GRIK1: variants seen among roughly 807,000 people sequenced by gnomAD.
GRIK1 encodes glutamate receptor ionotropic, kainate 1.
A neutral mutation model predicts 105.7 loss-of-function variants in GRIK1; 69 were observed. The ratio of observed to expected loss-of-function variants is 0.65; its 90% CI spans 0.54 to 0.80. The LOEUF (loss-of-function observed/expected upper bound fraction) is 0.80. Ranked by LOEUF, GRIK1 falls within the 30% of genes least tolerant of loss-of-function variation. The probability of loss-of-function intolerance (pLI) is 0.00; values close to 1 mark genes in which losing one functional copy is unlikely to be tolerated. For synonymous variants in GRIK1, 438 were observed against 431.3 expected (o/e 1.02, Z -0.19); for missense variants, 1,109 against 1,167.3 (o/e 0.95, Z 0.73).
chr21:29,860,158 C>T (rs467925), intron 1 of GRIK1, among the ~76,000 whole-genome samples: 51,084 of 152,118 alleles, frequency 0.34, 9,597 homozygotes, highest in African/African-American at 0.51. Context: ...CAATAGCATA[C>T]GAGTAAGATG....
intron 6 of GRIK1, among the ~76,000 whole-genome samples, chr21:29,649,332 T>A (rs1461505782): frequency 6.6e-6 from 1 of 152,220 alleles, no homozygotes; most frequent in Non-Finnish European, 1.5e-5. Flanking sequence ...CTACCCACTT[T>A]TGCAGCACCT....
At chr21:29,624,478 G>T (rs2062076999) in intron 7 of GRIK1, among the ~76,000 whole-genome samples, 1 of 152,076 alleles carries the variant, frequency 6.6e-6, no homozygotes, top group South Asian at 2.1e-4. Context: ...AAATTTTAAA[G>T]CTGTATTTAA....
chr21:29,573,670 T>G, intron 14 of GRIK1, among the ~76,000 whole-genome samples: 1 of 151,920 alleles, frequency 6.6e-6, no homozygotes, highest in Non-Finnish European at 1.5e-5. Flanking sequence ...GCCAACATGG[T>G]GAAACCCCAA....
intron 5 of GRIK1, among the ~76,000 whole-genome samples, chr21:29,652,877 T>C (rs535845811): frequency 2.7e-4 from 41 of 152,352 alleles, no homozygotes; most frequent in South Asian, 6.2e-4. Context: ...TTGCGGAAGA[T>C]GCATACAAAT....
At position 29,890,782 on chromosome 21, in the gene GRIK1, C is replaced by T. The variant is rs568748667; in HGVS notation, c.118+48601G>A. ...ACAGAGAAACACACATACATAGACA[C>T]GCACACTCATAAACACATAAGACTG... On this transcript the variant is annotated intron_variant, in intron 1 of 17. Transcript: ENST00000327783. 5.3e-5 allele frequency among the ~76,000 whole-genome samples: 8 copies of T among 152,192 alleles called. No individual in the cohort carries two copies. The South Asian group carries it at 6.2e-4, about 12-fold the overall frequency.
At chr21:29,727,707 T>C (rs911727462) in intron 1 of GRIK1, among the ~76,000 whole-genome samples, 15 of 152,208 alleles carry the variant, frequency 9.9e-5, no homozygotes, top group African/African-American at 3.6e-4. Flanking sequence ...ACAGAGAACA[T>C]GTCAGTGACC....
At chr21:29,681,216 T>G (rs2146678132) in intron 3 of GRIK1, among the ~76,000 whole-genome samples, 1 of 152,360 alleles carries the variant, frequency 6.6e-6, no homozygotes, top group South Asian at 2.1e-4. Flanking sequence ...CTGGAGGTCT[T>G]GGAATGTATC....
chr21:29,896,824 T>C (rs1450803764), intron 1 of GRIK1, among the ~76,000 whole-genome samples: 1 of 152,168 alleles, frequency 6.6e-6, no homozygotes, highest in Non-Finnish European at 1.5e-5. Context: ...GGAGAGAGGC[T>C]GGAAGCAGAG....
intron 1 of GRIK1, among the ~76,000 whole-genome samples, chr21:29,869,676 G>A (rs1264770058): frequency 6.6e-6 from 1 of 152,092 alleles, no homozygotes; most frequent in Non-Finnish European, 1.5e-5. Context: ...GTAAACCCCT[G>A]CCCATGTTAA....
chr21:29,735,507 A>C (rs1010519688), intron 1 of GRIK1, among the ~76,000 whole-genome samples: 1 of 152,162 alleles, frequency 6.6e-6, no homozygotes, highest in Non-Finnish European at 1.5e-5. Flanking sequence ...GTTTGGAACA[A>C]CTTATATATG....
At chr21:29,747,361 A>G (rs1041743464) in intron 1 of GRIK1, among the ~76,000 whole-genome samples, 1 of 152,208 alleles carries the variant, frequency 6.6e-6, no homozygotes, top group Admixed American at 6.5e-5. Context: ...GCTCTTACAC[A>G]TCAGATTAAT....
chr21:29,610,106 A>G (rs1249315930), intron 7 of GRIK1, among the ~76,000 whole-genome samples: 2 of 152,192 alleles, frequency 1.3e-5, no homozygotes, highest in Non-Finnish European at 1.5e-5. Context: ...TTACAGGTAA[A>G]AAGGAAGACA....
chr21:29,539,318 C>T (rs1289348070), intron 16 of GRIK1, among the ~76,000 whole-genome samples: 1 of 152,152 alleles, frequency 6.6e-6, no homozygotes. Context: ...GCCTAGCTTA[C>T]CTTATACACA....
Position 29,854,632 on chromosome 21 carries a change from G to C in GRIK1, c.118+84751C>G, listed in dbSNP as rs572939076. ...TAAGCCCCTTTGGTCATTATAAACA[G>C]TGAATAAATGACTGTCAGGAAATAT... On this transcript the variant is annotated intron_variant, in intron 1 of 17. Coordinates refer to ENST00000327783, the MANE Select transcript of GRIK1 (RefSeq NM_001330994.2). Among the ~76,000 whole-genome samples, 473 of 152,274 alleles carry C rather than the reference G, an allele frequency of 3.1e-3. 1 individual carries two copies. Among genetic ancestry groups the C allele is most frequent in the Non-Finnish European group, 5.2e-3 (351 of 68,020 alleles).
At chr21:29,565,790 A>C (rs2090599102) in intron 14 of GRIK1, among the ~76,000 whole-genome samples, 3 of 152,172 alleles carry the variant, frequency 2.0e-5, no homozygotes, top group Admixed American at 1.3e-4. Context: ...TGCTTAGACG[A>C]GTTTCACATA....
intron 1 of GRIK1, among the ~76,000 whole-genome samples, chr21:29,801,094 T>C (rs141006667): frequency 6.6e-6 from 1 of 152,028 alleles, no homozygotes; most frequent in Non-Finnish European, 1.5e-5. Context: ...GTTGAGTACC[T>C]TGTTGAAGAC....
At chr21:29,765,857 C>CTTT (rs113142690) in intron 1 of GRIK1, among the ~76,000 whole-genome samples, 21 of 146,622 alleles carry the variant, frequency 1.4e-4, no homozygotes, top group East Asian at 8.0e-4. Context: ...GAAAATTCTT[C>CTTT]TTTTTTTTTT....
At chr21:29,919,806 G>A (rs1329454966) in intron 1 of GRIK1, among the ~76,000 whole-genome samples, 1 of 152,138 alleles carries the variant, frequency 6.6e-6, no homozygotes, top group Admixed American at 6.6e-5. Context: ...GCTAAAAACA[G>A]TCCCTTTTAA....
intron 1 of GRIK1, among the ~76,000 whole-genome samples, chr21:29,755,197 G>A (rs1296468703): frequency 2.0e-5 from 3 of 152,150 alleles, no homozygotes; most frequent in African/African-American, 7.2e-5. Flanking sequence ...AAGTGTGCCT[G>A]GAAGTTCTCA....
Sources: allele counts gnomAD v4.1 joint callset (sites outside exome capture counted in the v4.1 genomes callset), GRCh38; gene constraint gnomAD v4.1.1; transcripts MANE v1.5; gene names NCBI Gene and HGNC (gene_info 2026-07-23, HGNC 2026-07-21).